Variants in PHLPP2 observed in about 807,000 individuals in gnomAD.
PHLPP2 encodes PH domain leucine-rich repeat-containing protein phosphatase 2.
Under a neutral mutation model 124.9 loss-of-function variants are expected in PHLPP2, and 66 were observed. The observed-to-expected ratio is 0.53, with a 90% CI of 0.43 to 0.65. PHLPP2 has a LOEUF of 0.65. PHLPP2 is among the 30% of genes least tolerant of loss of function. The pLI is 0.00. For synonymous variants in PHLPP2, 681 were observed against 624.7 expected (o/e 1.09, Z -1.34); for missense variants, 1,685 against 1,600.4 (o/e 1.05, Z -0.90).
At chr16:71,684,799 C>T in intron 4 of PHLPP2, 198 bp from the exon 5 acceptor site, 1 of 520,676 alleles carries the variant, frequency 1.9e-6, no homozygotes, top group Non-Finnish European at 3.4e-6. Context: ...GATCCCAACA[C>T]ATTAGCTGTG....
rs1300529337 is a variant in PHLPP2, at chr16:71,649,550, C to A, written c.3312G>T (p.Gly1104=). 6 of 1,614,022 alleles carry A rather than the reference C, an allele frequency of 3.7e-6. No individual in the cohort carries two copies. The African/African-American group carries it at 6.7e-5, about 18-fold the overall frequency. The change falls in exon 19 of 19, where the codon GGG becomes GGT. Residue 1104 remains glycine (G), a synonymous_variant. Transcript: ENST00000568954. Reference sequence around the variant, plus strand: ...TCGGAAGCAAGGCAGTGTCCAGGCCCCCAGCATTATGCTCATCAGAAGCAG... The same window carrying A: ...TCGGAAGCAAGGCAGTGTCCAGGCCACCAGCATTATGCTCATCAGAAGCAG... ...GSTASDEHNA[G]GLDTALLPRP...
In PHLPP2 at chr16:71,648,519, C is replaced by T. The variant is rs1457694450; in HGVS notation, c.*371G>A. On this transcript the variant is annotated 3_prime_UTR_variant, in exon 19 of 19. Coordinates refer to ENST00000568954, the MANE Select transcript of PHLPP2 (RefSeq NM_015020.3). ...GCATGGTGGCTGAGGCCTGTAATCA[C>T]AGCACTTTGGGAGGCAGAGGAGGGT... 4.5e-6 allele frequency: 1 copy of T among 223,066 alleles called. No individual in the cohort carries two copies. Among genetic ancestry groups the T allele is most frequent in the Non-Finnish European group, 9.0e-6 (1 of 110,924 alleles). The allele number at this position is 223,066 out of a possible 1,614,324, so 13.8% of individuals were successfully genotyped here.
rs1185940243 is a variant in PHLPP2 at position 71,652,777 on chromosome 16, G to C, written c.2817+13C>G. On this transcript the variant is annotated intron_variant, in intron 18 of 18. Coordinates refer to ENST00000568954, the MANE Select transcript of PHLPP2 (RefSeq NM_015020.3). ...TTGGGGAGCAGAAGTGACTGGCGGG[G>C]AGCGGAACACACCTCTGTGATGATG... is the stretch of plus-strand genomic sequence containing the variant. The C allele has an allele frequency of 6.3e-7, 1 of 1,584,476 alleles. No homozygotes were observed. Among genetic ancestry groups the C allele is most frequent in the Non-Finnish European group, 8.7e-7 (1 of 1,153,232 alleles).
In PHLPP2 at chr16:71,714,660, T is replaced by C. The variant is rs1489663087; in HGVS notation, c.136A>G (p.Thr46Ala). The change falls in exon 2 of 19, where the codon ACC becomes GCC. Residue 46 changes from threonine (T) to alanine (A), a missense_variant. Physicochemically the swap from Thr to Ala is moderately conservative, Grantham distance 58. Transcript: ENST00000568954. ...YGADTTTATT[T>A]TTTSSSSSSS... ...GAAGAGGAAGAGGAGGTGGTGGTGG[T>C]TGTAGTGGCAGTGGTAGTGTCTGCT... The C allele has an allele frequency of 1.2e-6, 2 of 1,613,434 alleles. No individual in the cohort carries two copies. Among genetic ancestry groups the C allele is most frequent in the South Asian group, 1.1e-5 (1 of 91,028 alleles).
In PHLPP2 at chr16:71,652,984, C is replaced by T. The variant is rs1282702231; in HGVS notation, c.2623G>A (p.Ala875Thr). ...GMAGQKLGSS[A>T]LLCYIRPDTA... ...TCAGGGCGGATGTAGCACAGGAGAG[C>T]GGAGGAGCCCAACTTCTGGCCAGCC... The change falls in exon 18 of 19, where the codon GCT (alanine) becomes ACT (threonine). Residue 875 changes from alanine (A) to threonine (T), a missense_variant. Transcript: ENST00000568954. The T allele has an allele frequency of 1.2e-5, 20 of 1,613,284 alleles. No homozygotes were observed. Among genetic ancestry groups the T allele is most frequent in the Middle Eastern group, 3.3e-4 (2 of 6,084 alleles).
chr16:71,719,859 A>G (rs2045386620), intron 1 of PHLPP2, among the ~76,000 whole-genome samples: 3 of 151,642 alleles, frequency 2.0e-5, no homozygotes, highest in Admixed American at 2.0e-4. Context: ...GTGCCGTGGC[A>G]CGATCTCGGC....
intron 3 of PHLPP2, among the ~76,000 whole-genome samples, chr16:71,699,143 T>C (rs879855484): frequency 5.9e-5 from 9 of 152,146 alleles, no homozygotes; most frequent in Non-Finnish European, 1.3e-4. Context: ...GAGGGAAGCA[T>C]ATTTTCTATG....
chr16:71,652,116 T>A lies in PHLPP2; in HGVS notation c.2817+674A>T, dbSNP rs114998283. Among the ~76,000 whole-genome samples the A allele has an allele frequency of 4.3e-3, 662 of 152,298 alleles. 11 individuals are homozygous for A. Among genetic ancestry groups the A allele is most frequent in the African/African-American group, 0.015 (642 of 41,550 alleles). On this transcript the variant is annotated intron_variant, in intron 18 of 18. Coordinates refer to ENST00000568954, the MANE Select transcript of PHLPP2 (RefSeq NM_015020.3). ...CAAGCCCCAGACTGGGAGAAAATAT[T>A]TGCAAAACAGGTATCTGATAAAGAA...
chr16:71,679,996 T>A (rs1159956029), intron 6 of PHLPP2, among the ~76,000 whole-genome samples: 3 of 151,244 alleles, frequency 2.0e-5, no homozygotes, highest in African/African-American at 7.3e-5. Flanking sequence ...GGGAGGAGAA[T>A]GGCATCAACC....
At chr16:71,693,525 G>T (rs920874140) in intron 3 of PHLPP2, among the ~76,000 whole-genome samples, 24 of 152,122 alleles carry the variant, frequency 1.6e-4, no homozygotes, top group African/African-American at 5.8e-4. Flanking sequence ...CCCTAGTTCA[G>T]ATCCTTATCA....
At chr16:71,683,984 G>C (rs995076723) in intron 5 of PHLPP2, among the ~76,000 whole-genome samples, 1 of 151,946 alleles carries the variant, frequency 6.6e-6, no homozygotes, top group South Asian at 2.1e-4. Flanking sequence ...TAGAGACGGG[G>C]TTTCTCCATG....
intron 12 of PHLPP2, among the ~76,000 whole-genome samples, chr16:71,665,554 A>G (rs966776260): frequency 2.0e-5 from 3 of 152,196 alleles, no homozygotes; most frequent in African/African-American, 7.2e-5. Flanking sequence ...ATAATCCCTG[A>G]TTCACTTTTT....
intron 14 of PHLPP2, 32 bp downstream of exon 14, chr16:71,658,621 A>C (rs781623163): frequency 6.2e-7 from 1 of 1,601,024 alleles, no homozygotes; most frequent in East Asian, 2.2e-5. Flanking sequence ...CATTTCCCCC[A>C]ATAAGGACAT....
intron 9 of PHLPP2, among the ~76,000 whole-genome samples, chr16:71,673,219 A>G (rs1270576219): frequency 1.3e-5 from 2 of 152,200 alleles, no homozygotes; most frequent in African/African-American, 4.8e-5. Flanking sequence ...ATTGAACGTA[A>G]GCCTAGAAGA....
rs78666473 is a variant in PHLPP2, at chr16:71,667,423, T to A, written c.1629-90A>T. ...CCTAGCCTATTTAACTGAAATTAGT[T>A]AACTTATAGAAACATATTCTCCTAG... On this transcript the variant is annotated intron_variant, in intron 11 of 18. Transcript: ENST00000568954. The A allele has an allele frequency of 8.9e-3, 8,883 of 993,884 alleles. 513 individuals are homozygous for A. In the African/African-American group the frequency reaches 0.13, roughly 14 times the overall value. The allele number at this position is 993,884 out of a possible 1,614,324, so 61.6% of individuals were successfully genotyped here. A position where few individuals can be genotyped will look rare whatever the true frequency, so the allele number is the denominator to read the frequency against.
intron 3 of PHLPP2, among the ~76,000 whole-genome samples, chr16:71,695,606 A>T (rs1167034525): frequency 6.6e-6 from 1 of 151,876 alleles, no homozygotes; most frequent in African/African-American, 2.4e-5. Context: ...GCTAGTTGGG[A>T]GGCTGAGGCA....
chr16:71,666,570 T>C (rs747308489), intron 12 of PHLPP2, among the ~76,000 whole-genome samples: 25 of 152,226 alleles, frequency 1.6e-4, no homozygotes, highest in Non-Finnish European at 2.4e-4. Flanking sequence ...TCCACAAAAC[T>C]AGTTTTCACT....
chr16:71,656,784 C>T (rs1180001569), intron 15 of PHLPP2, 103 bp from the exon 16 acceptor site: 2 of 661,320 alleles, frequency 3.0e-6, no homozygotes, highest in Non-Finnish European at 5.3e-6. Context: ...GAGTCTCCCT[C>T]TTGTCACCCA....
intron 3 of PHLPP2, chr16:71,698,660 C>T: frequency 1.8e-6 from 1 of 554,394 alleles, no homozygotes. Context: ...GTACACTGGG[C>T]CTCCCTGAGG....
Sources: gnomAD v4.1 joint callset for allele counts (sites outside exome capture counted in the v4.1 genomes callset) on GRCh38, gnomAD v4.1.1 for gene constraint, MANE v1.5 for transcripts, NCBI Gene and HGNC (gene_info 2026-07-23, HGNC 2026-07-21) for gene names.